The following SLA variants were observed in gnomAD, a reference collection of about 807,000 sequenced individuals.
The protein encoded by SLA is src-like-adapter.
A neutral mutation model predicts 30.3 loss-of-function variants in SLA; 16 were observed. That is an observed-to-expected ratio of 0.53 (90% CI 0.36 to 0.80). The LOEUF (loss-of-function observed/expected upper bound fraction) is 0.80. Among genes scored for constraint, SLA ranks in the 30% least tolerant of loss-of-function variants. The pLI is 0.01. For missense variants in SLA, 310 were observed against 345.2 expected (o/e 0.90, Z 0.81); for synonymous variants, 143 against 137.8 (o/e 1.04, Z -0.26).
At chr8:133,072,871 A>G (rs908451357) in intron 2 of SLA, 10 of 152,246 alleles carry the variant, frequency 6.6e-5, no homozygotes, top group African/African-American at 2.4e-4. Flanking sequence ...AGGAACAAGC[A>G]GAAATACATA....
intron 7 of SLA, among the ~76,000 whole-genome samples, chr8:133,042,676 G>GTTTTTTT (rs1838483510): frequency 1.8e-5 from 1 of 55,580 alleles, no homozygotes; most frequent in African/African-American, 6.4e-5. Context: ...CTCATTCTGT[G>GTTTTTTT]TCTTTTTTTT....
At chr8:133,100,604 T>G (rs951737806) in intron 1 of SLA, among the ~76,000 whole-genome samples, 1 of 152,218 alleles carries the variant, frequency 6.6e-6, no homozygotes, top group Non-Finnish European at 1.5e-5. Flanking sequence ...TTATTACTAT[T>G]TTTCAGAGAG....
At chr8:133,098,492 C>T (rs1465271111) in intron 1 of SLA, among the ~76,000 whole-genome samples, 1 of 152,222 alleles carries the variant, frequency 6.6e-6, no homozygotes, top group African/African-American at 2.4e-5. Flanking sequence ...TTCCCACTCA[C>T]CTCCTTATTT....
At chr8:133,088,094 G>A (rs1846896010) in intron 1 of SLA, among the ~76,000 whole-genome samples, 3 of 152,208 alleles carry the variant, frequency 2.0e-5, no homozygotes, top group Admixed American at 2.0e-4. Context: ...AGAGGCGAGA[G>A]CTCTGTCTTA....
intron 1 of SLA, among the ~76,000 whole-genome samples, chr8:133,084,298 G>GA (rs775317979): frequency 5.9e-5 from 9 of 152,068 alleles, no homozygotes; most frequent in Non-Finnish European, 8.8e-5. Flanking sequence ...CAAAGCTGCA[G>GA]AAAAAAATGA....
intron 1 of SLA, among the ~76,000 whole-genome samples, chr8:133,084,735 A>G (rs1846264702): frequency 6.6e-6 from 1 of 152,220 alleles, no homozygotes; most frequent in South Asian, 2.1e-4. Flanking sequence ...TGCCCGGGAG[A>G]GACCCCTTAG....
chr8:133,077,593 C>T (rs1845091772), intron 1 of SLA, among the ~76,000 whole-genome samples: 1 of 152,156 alleles, frequency 6.6e-6, no homozygotes, highest in Admixed American at 6.5e-5. Flanking sequence ...TGGCCCTGGG[C>T]CCAACCAGAG....
At chr8:133,095,240 A>C in intron 1 of SLA, 1 of 1,614,152 alleles carries the variant, frequency 6.2e-7, no homozygotes, top group Non-Finnish European at 8.5e-7. Context: ...GGGAAGGGAC[A>C]TTCTCTGGTC....
Position 133,077,037 on chromosome 8 carries a change from C to A in SLA, c.-318-1907G>T, listed in dbSNP as rs1032912069. Reference sequence around the variant, plus strand: ...TCAATGGGTTGATGGGACCGAGGGGCGCAGATGTGCTACTTTGCACAGGTG... The same window carrying A: ...TCAATGGGTTGATGGGACCGAGGGGAGCAGATGTGCTACTTTGCACAGGTG... On this transcript the variant is annotated intron_variant, in intron 1 of 8. Coordinates refer to ENST00000338087, the MANE Select transcript of SLA (RefSeq NM_001045556.3). 6.6e-5 allele frequency among the ~76,000 whole-genome samples: 10 copies of A among 152,170 alleles called. No homozygotes were observed. The East Asian group carries it at 1.9e-3, about 29-fold the overall frequency.
At chr8:133,060,986 A>T (rs1842288729) in intron 2 of SLA, among the ~76,000 whole-genome samples, 1 of 152,150 alleles carries the variant, frequency 6.6e-6, no homozygotes, top group African/African-American at 2.4e-5. Flanking sequence ...TACAAGCTAG[A>T]TGACTTCGGG....
At position 133,054,584 on chromosome 8, in the gene SLA, G is replaced by A. The variant is rs777234822; in HGVS notation, c.62-3669C>T. On this transcript the variant is annotated intron_variant, in intron 3 of 8. Transcript: ENST00000338087. Reference sequence around the variant, plus strand: ...AGCTAATATTATTTTCATGGAGAGCGGGGTCACCAGACCATAACTCAAGAC... The same window carrying A: ...AGCTAATATTATTTTCATGGAGAGCAGGGTCACCAGACCATAACTCAAGAC... 1.1e-4 allele frequency among the ~76,000 whole-genome samples: 16 copies of A among 152,086 alleles called. 1 individual carries two copies. Among genetic ancestry groups the A allele is most frequent in the Middle Eastern group, 6.3e-3 (2 of 316 alleles).
chr8:133,075,285 A>G (rs2739159), intron 1 of SLA, among the ~76,000 whole-genome samples, 155 bp from the exon 2 acceptor site: 114,824 of 152,046 alleles, frequency 0.76, 44,254 homozygotes, highest in African/African-American at 0.89. Flanking sequence ...CATCCCCAGA[A>G]CTCTCTGGGC....
intron 2 of SLA, among the ~76,000 whole-genome samples, chr8:133,062,610 G>GC (rs1486475282): frequency 6.6e-6 from 1 of 152,274 alleles, no homozygotes; most frequent in African/African-American, 2.4e-5. Context: ...GGGGATTGTA[G>GC]CCACAGGCGC....
chr8:133,091,231 C>T (rs1021790699), intron 1 of SLA, among the ~76,000 whole-genome samples: 6 of 152,228 alleles, frequency 3.9e-5, no homozygotes, highest in East Asian at 1.9e-4. Context: ...CTCGATTCCA[C>T]GAAGTGCCTG....
At chr8:133,080,085 G>A (rs1294124125) in intron 1 of SLA, among the ~76,000 whole-genome samples, 1 of 152,164 alleles carries the variant, frequency 6.6e-6, no homozygotes, top group African/African-American at 2.4e-5. Context: ...CATGGGGACA[G>A]TAAGAGGAAC....
chr8:133,092,453 G>T (rs907080984), intron 1 of SLA, among the ~76,000 whole-genome samples: 2 of 152,220 alleles, frequency 1.3e-5, no homozygotes, highest in Non-Finnish European at 2.9e-5. Flanking sequence ...GGACCTACAG[G>T]CATGGCTGGG....
Position 133,050,878 on chromosome 8 carries a change from G to A in SLA, c.99C>T (p.Tyr33=). The A allele has an allele frequency of 6.2e-7, 1 of 1,613,898 alleles. No homozygotes were observed. The highest frequency in any genetic ancestry group is 8.5e-7 in the Non-Finnish European group (1 of 1,179,780). ...DSDFLAVLSD[Y]PSPDISPPIF... is the part of the protein sequence containing the mutation. ...TCGGGGGGCTGATGTCAGGAGACGG[G>A]TAGTCACTTAGCACGGCAAGGAAGT... is the stretch of plus-strand genomic sequence containing the variant. The change falls in exon 4 of 9, where the codon TAC becomes TAT. Residue 33 remains tyrosine, a synonymous_variant. Transcript: ENST00000338087.
At chr8:133,070,021 AAAAAAG>A (rs1843739313) in intron 2 of SLA, among the ~76,000 whole-genome samples, 2 of 94,866 alleles carry the variant, frequency 2.1e-5, no homozygotes, top group Non-Finnish European at 5.3e-5. Flanking sequence ...AAAAAAAAAA[AAAAAAG>A]AAAGAAAGAA....
chr8:133,056,088 G>A lies in SLA; in HGVS notation c.61+4012C>T, dbSNP rs1474670199. ...AACCAGGTCTCCCTGGGCAGGGCAG[G>A]GCATGGCTGTGTTTGAACCACTCAG... On this transcript the variant is annotated intron_variant, in intron 3 of 8. Coordinates refer to ENST00000338087, the MANE Select transcript of SLA (RefSeq NM_001045556.3). 2.0e-5 allele frequency among the ~76,000 whole-genome samples: 3 copies of A among 152,080 alleles called. No homozygotes were observed. In the East Asian group the frequency reaches 5.8e-4, roughly 29 times the overall value.
Sources: allele counts gnomAD v4.1 joint callset (sites outside exome capture counted in the v4.1 genomes callset), GRCh38; gene constraint gnomAD v4.1.1; transcripts MANE v1.5; gene names NCBI Gene and HGNC (gene_info 2026-07-23, HGNC 2026-07-21).